Variants in MSH3 observed in about 807,000 individuals in gnomAD.
MSH3 encodes DNA mismatch repair protein Msh3.
Under a neutral mutation model 123.3 loss-of-function variants are expected in MSH3, and 106 were observed. The observed-to-expected ratio is 0.86, with a 90% CI of 0.73 to 1.01. MSH3 has a LOEUF of 1.01. Among genes scored for constraint, MSH3 ranks in the 50% least tolerant of loss-of-function variants. MSH3 has a pLI of 0.00. For synonymous variants in MSH3, 515 were observed against 481.4 expected, an observed-to-expected ratio of 1.07 and a Z score of -0.91; for missense variants, 1,459 against 1,347.6, an observed-to-expected ratio of 1.08 and a Z score of -1.29.
rs7715359 is a variant in MSH3 at position 80,719,223 on chromosome 5, T to A, written c.1341-6230T>A. ...CCACCACACCCAGCTAATTTTTATATTTTTAGTAGAGATGGGGTTTCATCG... is the reference window on the plus strand; with the variant it reads ...CCACCACACCCAGCTAATTTTTATAATTTTAGTAGAGATGGGGTTTCATCG... On this transcript the variant is annotated intron_variant, in intron 8 of 23. Transcript: ENST00000265081. Among the ~76,000 whole-genome samples, 1,418 of 152,100 alleles carry A rather than the reference T, an allele frequency of 9.3e-3. 20 individuals carry two copies. The highest frequency in any genetic ancestry group is 0.032 in the African/African-American group (1,309 of 41,464).
chr5:80,759,813 T>G (rs1743999345), intron 12 of MSH3, among the ~76,000 whole-genome samples: 1 of 152,076 alleles, frequency 6.6e-6, no homozygotes, highest in Non-Finnish European at 1.5e-5. Flanking sequence ...GGTGGATGGA[T>G]TACAGAGTCC....
intron 7 of MSH3, among the ~76,000 whole-genome samples, chr5:80,678,671 G>A (rs1281094118): frequency 1.3e-5 from 2 of 152,136 alleles, no homozygotes; most frequent in Non-Finnish European, 2.9e-5. Flanking sequence ...TAGTCACTCC[G>A]TTAGGTATAT....
At position 80,692,272 on chromosome 5, in the gene MSH3, G is replaced by GT. The variant is rs199856634; in HGVS notation, c.1340+13181dup. 1.5e-4 allele frequency among the ~76,000 whole-genome samples: 4 copies of GT among 26,592 alleles called. 1 individual carries two copies. Among genetic ancestry groups the GT allele is most frequent in the African/African-American group, 8.8e-4 (4 of 4,520 alleles). The allele number at this position is 26,592 out of a possible 152,430, so 17.4% of individuals were successfully genotyped here. ...TAGATAGATAGATAAACATGTATATGTTAGATAGATAGATAAACATGTATA... is the reference window on the plus strand; with the variant it reads ...TAGATAGATAGATAAACATGTATATGTTTAGATAGATAGATAAACATGTATA... On this transcript the variant is annotated intron_variant, in intron 8 of 23. Transcript: ENST00000265081.
rs113277835 is a variant in MSH3 at position 80,781,133 on chromosome 5, C to T, written c.2435+2297C>T. Among the ~76,000 whole-genome samples, 538 of 152,180 alleles carry T rather than the reference C, an allele frequency of 3.5e-3. 2 individuals are homozygous for T. The highest frequency in any genetic ancestry group is 0.012 in the African/African-American group (516 of 41,504). On this transcript the variant is annotated intron_variant, in intron 17 of 23. Transcript: ENST00000265081. ...TGGAGGGATGGAAATTTTGTCTATT[C>T]AGTTTCTTTTCTATTTCACTTTTAA...
At chr5:80,842,918 C>G (rs912183485) in intron 20 of MSH3, among the ~76,000 whole-genome samples, 5 of 152,106 alleles carry the variant, frequency 3.3e-5, no homozygotes, top group African/African-American at 7.2e-5. Context: ...CCTGATTGCC[C>G]TAGCCAGAAC....
intron 13 of MSH3, among the ~76,000 whole-genome samples, chr5:80,766,226 ACAGTTTAAAATT>A (rs1209850536): frequency 6.6e-6 from 1 of 151,930 alleles, no homozygotes; most frequent in East Asian, 1.9e-4. Flanking sequence ...TTCCTTAAGG[ACAGTTTAAAATT>A]CAGATACCTT....
intron 15 of MSH3, among the ~76,000 whole-genome samples, chr5:80,774,390 C>G (rs1744263839): frequency 6.9e-6 from 1 of 143,920 alleles, no homozygotes; most frequent in Non-Finnish European, 1.5e-5. Context: ...CTGTGGAGAA[C>G]AGTTTGGAGG....
At position 80,875,813 on chromosome 5, in the gene MSH3, G is replaced by A. The variant is rs2112131845; in HGVS notation, c.3365G>A (p.Trp1122Ter). 6.2e-7 allele frequency: 1 copy of A among 1,613,754 alleles called. No individual in the cohort carries two copies. The highest frequency in any genetic ancestry group is 8.5e-7 in the Non-Finnish European group (1 of 1,179,744). ...CATAATGCACAAGACCTGCAGAAGT[G>A]GACAGAGGAGTTCAACATGGAAGAA... is the stretch of plus-strand genomic sequence containing the variant. ...TMHNAQDLQK[W>*]TEEFNMEETQ... is the part of the protein sequence containing the mutation. The change falls in exon 24 of 24, where the codon TGG (tryptophan) becomes TAG (stop). Residue 1122 changes from tryptophan to a stop codon, truncating the protein, a stop_gained. Coordinates refer to ENST00000265081, the MANE Select transcript of MSH3 (RefSeq NM_002439.5). LOFTEE classifies it low-confidence loss of function (END_TRUNC).
At chr5:80,756,183 A>G (rs1743922572) in intron 12 of MSH3, among the ~76,000 whole-genome samples, 2 of 152,142 alleles carry the variant, frequency 1.3e-5, no homozygotes, top group Non-Finnish European at 1.5e-5. Flanking sequence ...TGCCACAAAA[A>G]CTATTGAAAT....
intron 17 of MSH3, among the ~76,000 whole-genome samples, chr5:80,785,270 T>C (rs1489155318): frequency 6.6e-6 from 1 of 152,236 alleles, no homozygotes; most frequent in Non-Finnish European, 1.5e-5. Flanking sequence ...ATATCTGAGC[T>C]ACACTATTTT....
intron 22 of MSH3, among the ~76,000 whole-genome samples, 167 bp from the exon 23 acceptor site, chr5:80,872,949 C>T (rs992376377): frequency 7.2e-5 from 11 of 152,078 alleles, no homozygotes; most frequent in African/African-American, 2.7e-4. Flanking sequence ...CAGTATTTAC[C>T]CTTTTCTAGA....
chr5:80,685,958 C>A (rs554721852), intron 8 of MSH3, among the ~76,000 whole-genome samples: 25 of 152,034 alleles, frequency 1.6e-4, no homozygotes, highest in Non-Finnish European at 3.2e-4. Flanking sequence ...TGTATAGTTT[C>A]CAAAATTATT....
intron 10 of MSH3, among the ~76,000 whole-genome samples, chr5:80,736,380 G>T (rs1485738429): frequency 4.0e-5 from 6 of 151,628 alleles, no homozygotes; most frequent in Non-Finnish European, 5.9e-5. Context: ...TAAAGAAAAA[G>T]ATCAATTTAG....
intron 3 of MSH3, among the ~76,000 whole-genome samples, chr5:80,669,163 G>A (rs1023765124): frequency 6.6e-6 from 1 of 152,162 alleles, no homozygotes; most frequent in African/African-American, 2.4e-5. Context: ...ATGTCCCGGT[G>A]AAGCTGAATT....
chr5:80,770,238 T>A (rs572125601), intron 15 of MSH3, among the ~76,000 whole-genome samples: 1 of 151,940 alleles, frequency 6.6e-6, no homozygotes, highest in African/African-American at 2.4e-5. Context: ...ATAAAAGATA[T>A]GTAGTAGAAA....
At chr5:80,698,787 C>T (rs1249140466) in intron 8 of MSH3, among the ~76,000 whole-genome samples, 1 of 149,250 alleles carries the variant, frequency 6.7e-6, no homozygotes, top group Non-Finnish European at 1.5e-5. Flanking sequence ...GAACCTCACA[C>T]ACCGGGGGGC....
At chr5:80,713,721 C>T (rs544004919) in intron 8 of MSH3, among the ~76,000 whole-genome samples, 1 of 152,324 alleles carries the variant, frequency 6.6e-6, no homozygotes, top group South Asian at 2.1e-4. Flanking sequence ...GGATACATGT[C>T]TTTGGAGCAG....
intron 8 of MSH3, among the ~76,000 whole-genome samples, chr5:80,682,867 C>A (rs1162794236): frequency 2.0e-5 from 3 of 152,124 alleles, no homozygotes; most frequent in African/African-American, 7.2e-5. Context: ...GTTCCCTTCT[C>A]AGCCTCTGGT....
At chr5:80,684,923 G>A (rs1465413393) in intron 8 of MSH3, among the ~76,000 whole-genome samples, 1 of 151,820 alleles carries the variant, frequency 6.6e-6, no homozygotes, top group African/African-American at 2.4e-5. Context: ...AAATGATTAT[G>A]TGTTTTTTTT....
Sources: allele counts gnomAD v4.1 joint callset (sites outside exome capture counted in the v4.1 genomes callset), GRCh38; gene constraint gnomAD v4.1.1; transcripts MANE v1.5; gene names NCBI Gene and HGNC (gene_info 2026-07-23, HGNC 2026-07-21).